Variants in DNAH2 observed in about 807,000 individuals in gnomAD.
DNAH2 encodes the protein axonemal beta dynein heavy chain 2.
A neutral mutation model predicts 523.5 loss-of-function variants in DNAH2; 323 were observed. The observed-to-expected ratio is 0.62, with a 90% CI of 0.56 to 0.68. DNAH2 has a LOEUF of 0.68. Among genes scored for constraint, DNAH2 ranks in the 30% least tolerant of loss-of-function variants. DNAH2 has a pLI of 0.00. For synonymous variants in DNAH2, 2,093 were observed against 2,177.4 expected, an observed-to-expected ratio of 0.96 and a Z score of 1.08; for missense variants, 4,907 against 5,701.5, an observed-to-expected ratio of 0.86 and a Z score of 4.49.
Position 7,737,153 on chromosome 17 carries a change from G to A in DNAH2, c.1065G>A (p.Lys355=), listed in dbSNP as rs1166503541. The change falls in exon 8 of 86, where the codon AAG becomes AAA. Residue 355 remains lysine (K), a synonymous_variant. Transcript: ENST00000572933. ...AGGAGTTGGCTTTCATGAAGCCCAA[G>A]GACATCTCTAGCAAGCTCCCTAAGC... ...PYQELAFMKP[K]DISSKLPKLI... 1 of 1,614,094 alleles carries A rather than the reference G, an allele frequency of 6.2e-7. No homozygotes were observed. Among genetic ancestry groups the A allele is most frequent in the Non-Finnish European group, 8.5e-7 (1 of 1,180,020 alleles).
chr17:7,785,561 A>T (rs1225623102), intron 39 of DNAH2, among the ~76,000 whole-genome samples: 2 of 152,220 alleles, frequency 1.3e-5, no homozygotes, highest in African/African-American at 4.8e-5. Context: ...ACTATCTTGT[A>T]TCTATTTGAA....
rs115063991 is a variant in DNAH2 at position 7,774,931 on chromosome 17, C to T, written c.4674C>T (p.His1558=). The change falls in exon 29 of 86, where the codon CAC becomes CAT. Residue 1558 remains histidine (H), a synonymous_variant. Coordinates refer to ENST00000572933, the MANE Select transcript of DNAH2 (RefSeq NM_020877.5). ...GAAACCCAGAGGCTGTGCAGCCACA[C>T]CTCAAAAAATGCTTTGACAACATCA... The part of the protein sequence containing the change: ...QSRNPEAVQP[H]LKKCFDNIKL... 9 of 1,614,052 alleles carry T rather than the reference C, an allele frequency of 5.6e-6. No homozygotes were observed. In the African/African-American group the frequency reaches 1.2e-4, roughly 22 times the overall value.
At chr17:7,734,083 A>G in intron 5 of DNAH2, 100 bp from the exon 6 acceptor site, 2 of 1,003,100 alleles carry the variant, frequency 2.0e-6, no homozygotes, top group South Asian at 1.7e-5. Context: ...CCTGAAATGC[A>G]TATGCTTCCT....
At position 7,828,257 on chromosome 17, in the gene DNAH2, A is replaced by T. The variant is rs1334531882; in HGVS notation, c.11854-2043A>T. 4.6e-5 allele frequency among the ~76,000 whole-genome samples: 7 copies of T among 152,070 alleles called. No homozygotes were observed. Among genetic ancestry groups the T allele is most frequent in the Non-Finnish European group, 1.5e-5 (1 of 68,030 alleles). ...CTTAATTACCATATAGCTTTATAAT[A>T]ATTCTTGATGGCTGGTAAGGCACAT... On this transcript the variant is annotated intron_variant, in intron 77 of 85. Coordinates refer to ENST00000572933, the MANE Select transcript of DNAH2 (RefSeq NM_020877.5). This position sits in a 1 kb window ranked among gnomAD's most constrained non-coding sequence, Gnocchi z 4.1.
At chr17:7,739,963 A>G (rs1328588792) in intron 9 of DNAH2, 25 bp downstream of exon 9, 1 of 1,604,910 alleles carries the variant, frequency 6.2e-7, no homozygotes, top group Non-Finnish European at 8.5e-7. Flanking sequence ...GGCTGATGCC[A>G]GGCGTGGGCA....
Position 7,804,402 on chromosome 17 carries a change from A to G in DNAH2, c.9119A>G (p.Lys3040Arg). 1.2e-6 allele frequency: 2 copies of G among 1,614,154 alleles called. No homozygotes were observed. Among genetic ancestry groups the G allele is most frequent in the East Asian group, 2.2e-5 (1 of 44,874 alleles). ...DAKKKVAEFQKQCEEYLVIIV... is the reference protein window; with the variant it reads ...DAKKKVAEFQRQCEEYLVIIV... ...AAGAAGAAGGTGGCTGAGTTCCAGA[A>G]GCAGTGTGAGGAGTACCTGGTCATC... is the stretch of plus-strand genomic sequence containing the variant. Residue 3040 changes from lysine (K) to arginine (R), a missense_variant, in exon 59 of 86, where the codon AAG (lysine) becomes AGG (arginine). Lys to Arg is a conservative substitution (Grantham distance 26). Coordinates refer to ENST00000572933, the MANE Select transcript of DNAH2 (RefSeq NM_020877.5).
chr17:7,731,887 GGC>G (rs2074998533), intron 4 of DNAH2, among the ~76,000 whole-genome samples: 1 of 151,776 alleles, frequency 6.6e-6, no homozygotes, highest in East Asian at 1.9e-4. Context: ...AAATTAGCCG[GGC>G]GTGGTGGCAC....
chr17:7,831,568 C>T lies in DNAH2; in HGVS notation c.12611+27C>T. ...TAAGACAGAGGGGGACTCTGCGGAA[C>T]AGGGGAGGGTGTGAGGAGAAGCCTT... On this transcript the variant is annotated intron_variant, in intron 81 of 85. Coordinates refer to ENST00000572933, the MANE Select transcript of DNAH2 (RefSeq NM_020877.5). The surrounding 1 kb of genome is among the most constrained non-coding windows in gnomAD (Gnocchi z 4.2). The T allele has an allele frequency of 6.2e-7, 1 of 1,614,050 alleles. No homozygotes were observed. The highest frequency in any genetic ancestry group is 8.5e-7 in the Non-Finnish European group (1 of 1,179,968).
rs1025656491 is a variant in DNAH2 at position 7,754,665 on chromosome 17, G to C, written c.1905-2426G>C. ...CCCAAAGGGTGTCAGCCATAAACTT[G>C]ATCGACTTGCCTACATTGCCCACCC... On this transcript the variant is annotated intron_variant, in intron 12 of 85. Coordinates refer to ENST00000572933, the MANE Select transcript of DNAH2 (RefSeq NM_020877.5). The surrounding 1 kb of genome is among the most constrained non-coding windows in gnomAD (Gnocchi z 4.6). The C allele has an allele frequency of 1.5e-6, 2 of 1,342,868 alleles. No homozygotes were observed. The highest frequency in any genetic ancestry group is 2.1e-6 in the Non-Finnish European group (2 of 950,874). The allele number at this position is 1,342,868 out of a possible 1,614,324, so 83.2% of individuals were successfully genotyped here.
At chr17:7,781,815 C>T (rs1394278171) in intron 39 of DNAH2, among the ~76,000 whole-genome samples, 1 of 152,204 alleles carries the variant, frequency 6.6e-6, no homozygotes, top group East Asian at 1.9e-4. Context: ...CTACTTCTCA[C>T]CTCATCAGGG....
At chr17:7,727,754 CAAAAAAAAAA>C (rs766811062) in intron 4 of DNAH2, among the ~76,000 whole-genome samples, 568 of 48,984 alleles carry the variant, frequency 0.012, 3 homozygotes, top group Admixed American at 0.021. Context: ...GACTCTGTCT[CAAAAAAAAAA>C]AAAAAAAAAA....
chr17:7,731,104 T>G (rs978336733), intron 4 of DNAH2, among the ~76,000 whole-genome samples: 1 of 151,468 alleles, frequency 6.6e-6, no homozygotes, highest in Non-Finnish European at 1.5e-5. Context: ...GGCAACAGAG[T>G]GAGACTGTGT....
Position 7,766,328 on chromosome 17 carries a change from C to G in DNAH2, c.3522C>G (p.Thr1174=). ...LEDFEFKGHF[T]SNVGYMSALD... ...CTGAATCCTCCACAGGCCATTTCAC[C>G]AGCAACGTGGGATACATGTCTGCCT... The change falls in exon 22 of 86, where the codon ACC becomes ACG. Residue 1174 remains threonine (T), a synonymous_variant. Coordinates refer to ENST00000572933, the MANE Select transcript of DNAH2 (RefSeq NM_020877.5). 1 of 1,613,324 alleles carries G rather than the reference C, an allele frequency of 6.2e-7. No individual in the cohort carries two copies. The highest frequency in any genetic ancestry group is 8.5e-7 in the Non-Finnish European group (1 of 1,179,484).
chr17:7,724,945 A>G (rs2074749290), intron 3 of DNAH2, among the ~76,000 whole-genome samples: 2 of 151,532 alleles, frequency 1.3e-5, no homozygotes, highest in Non-Finnish European at 2.9e-5. Context: ...GTTTTGTCAT[A>G]TCGGCCAGGC....
intron 2 of DNAH2, among the ~76,000 whole-genome samples, chr17:7,721,679 T>C (rs2074613123): frequency 6.6e-6 from 1 of 152,226 alleles, no homozygotes; most frequent in Non-Finnish European, 1.5e-5. Context: ...CATGGTCTTT[T>C]GGTTATATCT....
rs2078091959 is a variant in DNAH2 at position 7,828,921 on chromosome 17, C to CTT, written c.11854-1375_11854-1374dup. Among the ~76,000 whole-genome samples the CTT allele has an allele frequency of 1.3e-5, 2 of 152,040 alleles. No individual in the cohort carries two copies. Among genetic ancestry groups the CTT allele is most frequent in the Admixed American group, 1.3e-4 (2 of 15,268 alleles). The stretch of plus-strand genomic sequence containing the variant: ...TCCATTCTGTCAGTCATAGATAAGT[C>CTT]TTTTTAAAACGCTGTTTGAACAGAT... On this transcript the variant is annotated intron_variant, in intron 77 of 85. Transcript: ENST00000572933. This position sits in a 1 kb window ranked among gnomAD's most constrained non-coding sequence, Gnocchi z 4.1.
At chr17:7,747,707 G>A (rs765031144) in intron 12 of DNAH2, among the ~76,000 whole-genome samples, 38 of 152,146 alleles carry the variant, frequency 2.5e-4, no homozygotes, top group Admixed American at 1.4e-3. Context: ...GGCGAAACAC[G>A]TCTTCCAGAT....
At chr17:7,739,609 T>C in intron 8 of DNAH2, 124 bp from the exon 9 acceptor site, 1 of 690,766 alleles carries the variant, frequency 1.4e-6, no homozygotes, top group Non-Finnish European at 2.2e-6. Flanking sequence ...TTCTTCTTCT[T>C]TTTTTTTTTT....
intron 64 of DNAH2, 50 bp downstream of exon 64, chr17:7,816,785 C>T (rs781745690): frequency 3.7e-5 from 59 of 1,595,350 alleles, no homozygotes; most frequent in Admixed American, 1.5e-4. Flanking sequence ...TCGCCACTTC[C>T]GAGAGACCCA....
Sources: gnomAD v4.1 joint callset for allele counts (sites outside exome capture counted in the v4.1 genomes callset) on GRCh38, gnomAD v4.1.1 for gene constraint, Gnocchi (gnomAD v3.1) non-coding constraint, MANE v1.5 for transcripts, NCBI Gene and HGNC (gene_info 2026-07-23, HGNC 2026-07-21) for gene names.